LRRC7: variants seen among roughly 807,000 people sequenced by gnomAD.
LRRC7 encodes leucine rich repeat containing 7, also known as leucine-rich repeat-containing protein 7.
In LRRC7, 23 loss-of-function variants were observed where a neutral mutation model predicts 175.7. The observed-to-expected ratio is 0.13, with a 90% CI of 0.09 to 0.19. The LOEUF (loss-of-function observed/expected upper bound fraction) is 0.19, where lower values mean the gene tolerates loss of function less well. LRRC7 is among the 10% of genes least tolerant of loss of function. LRRC7 has a pLI of 1.00. For synonymous variants in LRRC7, 685 were observed against 680.9 expected (o/e 1.01, Z -0.09); for missense variants, 1,354 against 1,904.7 (o/e 0.71, Z 5.38).
At chr1:69,755,544 A>G (rs1670323095) in intron 2 of LRRC7, among the ~76,000 whole-genome samples, 1 of 151,344 alleles carries the variant, frequency 6.6e-6, no homozygotes, top group African/African-American at 2.4e-5. Flanking sequence ...TTGCATATAT[A>G]TGTGTGTACA....
At position 70,098,351 on chromosome 1, in the gene LRRC7, G is replaced by A. The variant is rs1316762475; in HGVS notation, c.4545+8532G>A. On this transcript the variant is annotated intron_variant, in intron 25 of 26. Transcript: ENST00000651989. The stretch of plus-strand genomic sequence containing the variant: ...TAGAGGGAAATTTATAGCACTAAAT[G>A]CCCACAAGAGAAAGCAGGAAAGATC... Among the ~76,000 whole-genome samples the A allele has an allele frequency of 2.0e-5, 3 of 151,448 alleles. No homozygotes were observed. The East Asian group carries it at 5.8e-4, about 29-fold the overall frequency.
chr1:69,999,590 A>C (rs1193090496), intron 11 of LRRC7, among the ~76,000 whole-genome samples: 2 of 152,176 alleles, frequency 1.3e-5, no homozygotes, highest in African/African-American at 4.8e-5. Flanking sequence ...AACTGTCCAG[A>C]AAACCACTGA....
intron 7 of LRRC7, among the ~76,000 whole-genome samples, chr1:69,878,038 A>G (rs184980729): frequency 8.5e-5 from 13 of 152,298 alleles, no homozygotes; most frequent in Admixed American, 3.3e-4. Context: ...GAGTAGAAGA[A>G]TCAGAAGTGC....
At chr1:69,595,110 C>T (rs1646788157) in intron 1 of LRRC7, among the ~76,000 whole-genome samples, 1 of 151,874 alleles carries the variant, frequency 6.6e-6, no homozygotes, top group East Asian at 1.9e-4. Flanking sequence ...ATGAGACAGG[C>T]ACTATCAATG....
chr1:69,629,337 G>C (rs987870695), intron 1 of LRRC7, among the ~76,000 whole-genome samples: 1 of 152,118 alleles, frequency 6.6e-6, no homozygotes, highest in African/African-American at 2.4e-5. Flanking sequence ...TAGTTGAATA[G>C]AGATTTTGTT....
At chr1:69,813,134 C>T (rs886896243) in intron 4 of LRRC7, among the ~76,000 whole-genome samples, 3 of 152,110 alleles carry the variant, frequency 2.0e-5, no homozygotes, top group Non-Finnish European at 4.4e-5. Context: ...TCTTCTCATG[C>T]ACTTCTCCAC....
At chr1:69,946,227 A>G (rs1249497731) in intron 8 of LRRC7, among the ~76,000 whole-genome samples, 1 of 152,156 alleles carries the variant, frequency 6.6e-6, no homozygotes, top group Non-Finnish European at 1.5e-5. Context: ...ATCTAATAAG[A>G]TGATCAGATT....
chr1:69,606,192 C>G (rs1000126736), intron 1 of LRRC7, among the ~76,000 whole-genome samples: 39 of 152,030 alleles, frequency 2.6e-4, no homozygotes, highest in Non-Finnish European at 4.9e-4. Flanking sequence ...AATTCCATAG[C>G]ACAATAATCT....
chr1:70,067,207 T>G (rs532284375), intron 23 of LRRC7, among the ~76,000 whole-genome samples: 1 of 152,136 alleles, frequency 6.6e-6, no homozygotes, highest in Non-Finnish European at 1.5e-5. Context: ...GATACATGAT[T>G]TACAAACATT....
At chr1:70,064,518 C>T (rs1661822733) in intron 23 of LRRC7, among the ~76,000 whole-genome samples, 1 of 151,670 alleles carries the variant, frequency 6.6e-6, no homozygotes, top group Admixed American at 6.6e-5. Flanking sequence ...TCACACACAC[C>T]CCTCCCAACA....
Position 69,617,821 on chromosome 1 carries a change from T to C in LRRC7, c.2+49180T>C, listed in dbSNP as rs549133148. ...TAGCCACTGGATCCAGGTCAACATATAGCTACTTGGATAACAAGCAGTTCT... is the reference window on the plus strand; with the variant it reads ...TAGCCACTGGATCCAGGTCAACATACAGCTACTTGGATAACAAGCAGTTCT... On this transcript the variant is annotated intron_variant, in intron 1 of 26. Transcript: ENST00000651989. 1.7e-4 allele frequency among the ~76,000 whole-genome samples: 26 copies of C among 152,162 alleles called. 1 individual carries two copies. The South Asian group carries it at 5.0e-3, about 29-fold the overall frequency.
intron 7 of LRRC7, among the ~76,000 whole-genome samples, chr1:69,866,706 T>C (rs1426963655): frequency 7.1e-6 from 1 of 140,608 alleles, no homozygotes; most frequent in Non-Finnish European, 1.6e-5. Flanking sequence ...TTCCCCTCAA[T>C]TAGACTCAAA....
At chr1:69,726,532 G>T (rs546293752) in intron 2 of LRRC7, among the ~76,000 whole-genome samples, 2 of 152,140 alleles carry the variant, frequency 1.3e-5, no homozygotes, top group Non-Finnish European at 2.9e-5. Context: ...AACAGTCATT[G>T]GATATCCAGG....
At position 70,038,358 on chromosome 1, in the gene LRRC7, G is replaced by A. The variant is rs1214869434; in HGVS notation, c.2534G>A (p.Arg845His). The A allele has an allele frequency of 6.2e-7, 1 of 1,614,042 alleles. No individual in the cohort carries two copies. The highest frequency in any genetic ancestry group is 8.5e-7 in the Non-Finnish European group (1 of 1,180,002). The change falls in exon 21 of 27, where the codon CGC becomes CAC. Residue 845 changes from arginine (R) to histidine (H), a missense_variant. Arg to His is a conservative substitution (Grantham distance 29). Transcript: ENST00000651989. ...TCTAGAAGCACATCTTCGCATGGAC[G>A]CAGGCCTTTGATCAGGCAAGACAGG... ...SKSRSTSSHG[R>H]RPLIRQDRIV...
Position 69,770,234 on chromosome 1 carries a change from A to T in LRRC7, c.303+9841A>T, listed in dbSNP as rs548437582. ...GGGGAAATGGATATCTGACAAGCAA[A>T]ATAAACAAAAATAAAGCATCCTCTA... On this transcript the variant is annotated intron_variant, in intron 3 of 26. Coordinates refer to ENST00000651989, the MANE Select transcript of LRRC7 (RefSeq NM_001370785.2). Among the ~76,000 whole-genome samples, 8 of 152,324 alleles carry T rather than the reference A, an allele frequency of 5.3e-5. No homozygotes were observed. The South Asian group carries it at 1.2e-3, about 24-fold the overall frequency.
intron 7 of LRRC7, among the ~76,000 whole-genome samples, chr1:69,883,457 G>A (rs1304628477): frequency 9.5e-6 from 1 of 105,450 alleles, no homozygotes; most frequent in South Asian, 2.8e-4. Flanking sequence ...TTTTTGATGG[G>A]GTTGTTTGTT....
intron 24 of LRRC7, among the ~76,000 whole-genome samples, chr1:70,084,859 T>A (rs1663483658): frequency 6.6e-6 from 1 of 152,184 alleles, no homozygotes; most frequent in Admixed American, 6.5e-5. Flanking sequence ...TTCATTAGTA[T>A]CTCATTGTCA....
intron 2 of LRRC7, among the ~76,000 whole-genome samples, chr1:69,702,209 C>T (rs111920042): frequency 3.9e-5 from 6 of 152,118 alleles, no homozygotes; most frequent in Admixed American, 2.6e-4. Flanking sequence ...CATCACACAC[C>T]GTATTTAATC....
chr1:69,601,620 A>C (rs1647076532), intron 1 of LRRC7, among the ~76,000 whole-genome samples: 1 of 152,182 alleles, frequency 6.6e-6, no homozygotes, highest in Non-Finnish European at 1.5e-5. Context: ...CCAGTTAATA[A>C]TGCCATTTTT....
Sources: allele counts gnomAD v4.1 joint callset (sites outside exome capture counted in the v4.1 genomes callset), GRCh38; gene constraint gnomAD v4.1.1; transcripts MANE v1.5; gene names NCBI Gene and HGNC (gene_info 2026-07-23, HGNC 2026-07-21).